Variants in NTM observed in about 807,000 individuals in gnomAD.
NTM encodes the protein IgLON family member 2.
In NTM, 13 loss-of-function variants were observed where a neutral mutation model predicts 42.1. That is an observed-to-expected ratio of 0.31 (90% CI 0.20 to 0.49). The LOEUF (loss-of-function observed/expected upper bound fraction) is 0.49. Ranked by LOEUF, NTM falls within the 20% of genes least tolerant of loss-of-function variation. The pLI, the probability that NTM is intolerant of heterozygous loss-of-function variation, is 0.99. For missense variants in NTM, 373 were observed against 452.8 expected, an observed-to-expected ratio of 0.82 and a Z score of 1.60; for synonymous variants, 187 against 179.2, an observed-to-expected ratio of 1.04 and a Z score of -0.35.
intron 3 of NTM, among the ~76,000 whole-genome samples, chr11:132,147,538 G>T (rs2070805148): frequency 7.0e-6 from 1 of 142,948 alleles, no homozygotes; most frequent in African/African-American, 2.7e-5. Context: ...CTATTTCAGT[G>T]TTAGCTATGG....
At chr11:132,023,618 G>A (rs115604502) in intron 2 of NTM, among the ~76,000 whole-genome samples, 3 of 152,282 alleles carry the variant, frequency 2.0e-5, no homozygotes, top group Admixed American at 6.5e-5. Flanking sequence ...CCCTCTGTCC[G>A]ATAGGATTAT....
At chr11:131,998,693 C>T (rs1429770199) in intron 2 of NTM, among the ~76,000 whole-genome samples, 1 of 152,172 alleles carries the variant, frequency 6.6e-6, no homozygotes, top group Non-Finnish European at 1.5e-5. Context: ...CCCATTGGTC[C>T]CCACATCCCA....
At chr11:132,022,373 TG>T (rs1240971646) in intron 2 of NTM, among the ~76,000 whole-genome samples, 3 of 152,266 alleles carry the variant, frequency 2.0e-5, no homozygotes, top group Non-Finnish European at 4.4e-5. Context: ...CAGAAGTCAC[TG>T]GTCTTTATTT....
intron 1 of NTM, among the ~76,000 whole-genome samples, chr11:131,766,710 A>G (rs959619984): frequency 6.6e-6 from 1 of 152,088 alleles, no homozygotes; most frequent in African/African-American, 2.4e-5. Context: ...TGGGTTATAT[A>G]TATGTGTGAT....
chr11:131,798,204 A>G (rs1360680006), intron 1 of NTM, among the ~76,000 whole-genome samples: 1 of 152,148 alleles, frequency 6.6e-6, no homozygotes, highest in Non-Finnish European at 1.5e-5. Flanking sequence ...CATGATCTCC[A>G]TCTTGTTGTG....
At chr11:131,639,293 T>C (rs1462419980) in intron 1 of NTM, among the ~76,000 whole-genome samples, 1 of 152,226 alleles carries the variant, frequency 6.6e-6, no homozygotes, top group Admixed American at 6.5e-5. Context: ...TGTTTGTTTT[T>C]CTTTCGGTTT....
chr11:131,555,386 TTAAATC>T (rs2055272659), intron 1 of NTM, among the ~76,000 whole-genome samples: 1 of 152,184 alleles, frequency 6.6e-6, no homozygotes, highest in Non-Finnish European at 1.5e-5. Context: ...GTCCTTGTGA[TTAAATC>T]TATATTGAGG....
Position 132,335,276 on chromosome 11 carries a change from A to G in NTM, c.*130A>G, listed in dbSNP as rs574380441. On this transcript the variant is annotated 3_prime_UTR_variant, in exon 9 of 9. Transcript: ENST00000683400. ...ATTAGAAGAAACACAGCCTCATGGG[A>G]CAGAAATTTGAGGGAGGGGAACAAA... 9.9e-7 allele frequency: 1 copy of G among 1,011,536 alleles called. No individual in the cohort carries two copies. Among genetic ancestry groups the G allele is most frequent in the Non-Finnish European group, 1.4e-6 (1 of 715,132 alleles). 62.7% of individuals were successfully genotyped at this position (1,011,536 alleles called of 1,614,324 possible). A position where few individuals can be genotyped will look rare whatever the true frequency, so the allele number is the denominator to read the frequency against.
At chr11:131,714,742 T>A in intron 1 of NTM, among the ~76,000 whole-genome samples, 1 of 152,166 alleles carries the variant, frequency 6.6e-6, no homozygotes, top group East Asian at 1.9e-4. Flanking sequence ...TCATGTACAG[T>A]TGTCCTCTAT....
rs1303454003 is a variant in NTM, at chr11:131,789,443, A to G, written c.83-122121A>G. 6.8e-4 allele frequency among the ~76,000 whole-genome samples: 7 copies of G among 10,306 alleles called. 2 individuals carry two copies. Among genetic ancestry groups the G allele is most frequent in the African/African-American group, 2.6e-3 (7 of 2,700 alleles). 6.8% of individuals were successfully genotyped at this position (10,306 alleles called of 152,430 possible). ...AAAAAGAAGAAGGAAGAAGAAGAAGAAGAAGAAGAAGAAGAAGAAGAAGAA... is the reference window on the plus strand; with the variant it reads ...AAAAAGAAGAAGGAAGAAGAAGAAGGAGAAGAAGAAGAAGAAGAAGAAGAA... On this transcript the variant is annotated intron_variant, in intron 1 of 8. Coordinates refer to ENST00000683400, the MANE Select transcript of NTM (RefSeq NM_001352005.2).
chr11:132,263,030 A>G (rs961119309), intron 4 of NTM, among the ~76,000 whole-genome samples: 2 of 152,252 alleles, frequency 1.3e-5, no homozygotes, highest in African/African-American at 2.4e-5. Flanking sequence ...AGGCAAGACT[A>G]GACTACAAGG....
chr11:131,486,322 G>A (rs114418469), intron 1 of NTM, among the ~76,000 whole-genome samples: 303 of 152,284 alleles, frequency 2.0e-3, no homozygotes, highest in African/African-American at 6.7e-3. Flanking sequence ...CCAGTTCCAG[G>A]CAGCAGAGTC....
At chr11:131,665,106 G>A (rs868178972) in intron 1 of NTM, among the ~76,000 whole-genome samples, 1 of 152,150 alleles carries the variant, frequency 6.6e-6, no homozygotes, top group African/African-American at 2.4e-5. Context: ...CTCCTGTCCT[G>A]CAGGGAAATT....
chr11:131,415,391 T>C (rs931449505), intron 1 of NTM, among the ~76,000 whole-genome samples: 1 of 152,156 alleles, frequency 6.6e-6, no homozygotes, highest in African/African-American at 2.4e-5. Context: ...ATGCTATTCG[T>C]CTAAGCTGAC....
chr11:131,881,477 T>TAC (rs34722610), intron 1 of NTM, among the ~76,000 whole-genome samples: 3,092 of 104,688 alleles, frequency 0.03, 63 homozygotes, highest in African/African-American at 0.058. Context: ...AGCTCTCAGT[T>TAC]ACACACACAC....
intron 3 of NTM, among the ~76,000 whole-genome samples, chr11:132,172,549 C>A (rs1031106909): frequency 1.3e-5 from 2 of 152,176 alleles, no homozygotes; most frequent in Non-Finnish European, 2.9e-5. Context: ...GAGACTATTA[C>A]AATCTACTGA....
intron 1 of NTM, among the ~76,000 whole-genome samples, chr11:131,873,125 A>G (rs1472865417): frequency 2.0e-5 from 3 of 152,196 alleles, no homozygotes; most frequent in African/African-American, 7.2e-5. Flanking sequence ...ATGCCCATCA[A>G]TGATAGACTG....
intron 1 of NTM, among the ~76,000 whole-genome samples, chr11:131,673,510 C>T (rs1320889897): frequency 6.6e-6 from 1 of 152,164 alleles, no homozygotes; most frequent in Non-Finnish European, 1.5e-5. Flanking sequence ...CTTATCTCTT[C>T]ATCATCTGGG....
At chr11:131,752,689 T>C (rs553820204) in intron 1 of NTM, among the ~76,000 whole-genome samples, 1 of 152,134 alleles carries the variant, frequency 6.6e-6, no homozygotes, top group Non-Finnish European at 1.5e-5. Flanking sequence ...CACATACATA[T>C]GTAGAAAGCT....
Sources: allele counts gnomAD v4.1 joint callset (sites outside exome capture counted in the v4.1 genomes callset), GRCh38; gene constraint gnomAD v4.1.1; transcripts MANE v1.5; gene names NCBI Gene and HGNC (gene_info 2026-07-23, HGNC 2026-07-21).